Variants in LRGUK observed in about 807,000 individuals in gnomAD.
LRGUK encodes leucine-rich repeat and guanylate kinase domain-containing protein.
In LRGUK, 65 loss-of-function variants were observed where a neutral mutation model predicts 76.0. The observed-to-expected ratio is 0.85, with a 90% CI of 0.70 to 1.05. The LOEUF is 1.05. Ranked by LOEUF, LRGUK falls within the 50% of genes least tolerant of loss-of-function variation. LRGUK has a pLI of 0.00. For synonymous variants in LRGUK, 268 were observed against 265.6 expected (o/e 1.01, Z -0.09); for missense variants, 758 against 732.8 (o/e 1.03, Z -0.40).
At chr7:134,248,416 A>C (rs1221596005) in intron 17 of LRGUK, among the ~76,000 whole-genome samples, 1 of 152,224 alleles carries the variant, frequency 6.6e-6, no homozygotes, top group Non-Finnish European at 1.5e-5. Flanking sequence ...AGCAGGGTTT[A>C]TTCACGAAAA....
At chr7:134,145,930 C>T (rs975573144) in intron 4 of LRGUK, among the ~76,000 whole-genome samples, 1 of 152,136 alleles carries the variant, frequency 6.6e-6, no homozygotes, top group Non-Finnish European at 1.5e-5. Context: ...TTTCCAAGCT[C>T]TAGGTTCCAA....
chr7:134,238,584 G>T (rs184160855), intron 16 of LRGUK, among the ~76,000 whole-genome samples: 3 of 151,988 alleles, frequency 2.0e-5, no homozygotes, highest in African/African-American at 7.2e-5. Context: ...CCTGAGTTCT[G>T]CCACCTAGTT....
chr7:134,256,045 G>A (rs1455501293), intron 18 of LRGUK, among the ~76,000 whole-genome samples: 1 of 152,050 alleles, frequency 6.6e-6, no homozygotes, highest in Non-Finnish European at 1.5e-5. Flanking sequence ...CACATCACTT[G>A]GGTTATGGCG....
intron 18 of LRGUK, among the ~76,000 whole-genome samples, chr7:134,255,763 G>GT (rs145234565): frequency 0.12 from 17,751 of 151,834 alleles, 2,460 homozygotes; most frequent in African/African-American, 0.34. Flanking sequence ...ATTTATACCT[G>GT]TTTTATTTTC....
At chr7:134,154,131 T>A (rs1296452881) in intron 5 of LRGUK, among the ~76,000 whole-genome samples, 1 of 152,198 alleles carries the variant, frequency 6.6e-6, no homozygotes, top group Non-Finnish European at 1.5e-5. Flanking sequence ...ATTCACAGAA[T>A]CATAAAAGTT....
chr7:134,252,775 C>T (rs1440962569), intron 18 of LRGUK, among the ~76,000 whole-genome samples: 1 of 152,156 alleles, frequency 6.6e-6, no homozygotes, highest in East Asian at 1.9e-4. Context: ...GAGTGCTGCA[C>T]ATTAGCTGTG....
intron 15 of LRGUK, among the ~76,000 whole-genome samples, chr7:134,216,242 A>C (rs1049017690): frequency 3.3e-5 from 5 of 152,140 alleles, no homozygotes; most frequent in Non-Finnish European, 7.4e-5. Context: ...TGAAAGCAGC[A>C]AAAAAATGTT....
At chr7:134,263,790 T>C in intron 19 of LRGUK, 55 bp from the exon 20 acceptor site, 1 of 1,527,076 alleles carries the variant, frequency 6.5e-7, no homozygotes, top group Non-Finnish European at 8.9e-7. Flanking sequence ...ACACTTATTC[T>C]CTTTGTACCA....
the LRGUK span, among the ~76,000 whole-genome samples, chr7:134,271,531 C>A: frequency 0.012 from 1,811 of 151,958 alleles, 36 homozygotes; most frequent in African/African-American, 0.041. Context: ...TTACTCTCCC[C>A]TCCTAGTTTG....
At chr7:134,269,890 G>C in the LRGUK span, among the ~76,000 whole-genome samples, 2 of 152,148 alleles carry the variant, frequency 1.3e-5, no homozygotes, top group Non-Finnish European at 2.9e-5. Flanking sequence ...AAAAGCACTT[G>C]ACAGAGTCCA....
chr7:134,196,352 CCAGAATACAGA>C (rs1800488179), intron 12 of LRGUK, among the ~76,000 whole-genome samples: 1 of 151,468 alleles, frequency 6.6e-6, no homozygotes, highest in African/African-American at 2.4e-5. Flanking sequence ...AACTGAGCTT[CCAGAATACAGA>C]CAGAGGCATC....
intron 7 of LRGUK, among the ~76,000 whole-genome samples, chr7:134,167,609 C>A (rs1030810408): frequency 2.6e-5 from 4 of 152,130 alleles, no homozygotes; most frequent in South Asian, 2.1e-4. Flanking sequence ...AGGATAGAGA[C>A]CAGCACTCTT....
At chr7:134,262,047 A>G (rs1311179285) in intron 19 of LRGUK, among the ~76,000 whole-genome samples, 1 of 152,146 alleles carries the variant, frequency 6.6e-6, no homozygotes, top group Non-Finnish European at 1.5e-5. Flanking sequence ...ATACACAACC[A>G]TTTCTTTAAT....
At chr7:134,156,431 G>A (rs1212735525) in intron 5 of LRGUK, among the ~76,000 whole-genome samples, 1 of 152,022 alleles carries the variant, frequency 6.6e-6, no homozygotes, top group African/African-American at 2.4e-5. Flanking sequence ...AGTGTTATAT[G>A]TCAAAAAGAA....
intron 18 of LRGUK, among the ~76,000 whole-genome samples, chr7:134,255,626 A>G (rs1802559942): frequency 1.3e-5 from 2 of 152,164 alleles, no homozygotes; most frequent in Non-Finnish European, 2.9e-5. Context: ...AAAGCTCCCC[A>G]AGATATGCCA....
intron 6 of LRGUK, among the ~76,000 whole-genome samples, chr7:134,160,395 T>TGTCA (rs2116921273): frequency 6.6e-6 from 1 of 152,340 alleles, no homozygotes; most frequent in East Asian, 1.9e-4. Flanking sequence ...CAGAATATAC[T>TGTCA]GTCATTCATT....
chr7:134,187,632 C>T (rs935427190), intron 11 of LRGUK, among the ~76,000 whole-genome samples: 3 of 152,140 alleles, frequency 2.0e-5, no homozygotes, highest in African/African-American at 7.2e-5. Flanking sequence ...TCTTTCTTTA[C>T]CAGTATTAGT....
intron 3 of LRGUK, 30 bp from the exon 4 acceptor site, chr7:134,143,032 A>G: frequency 2.5e-6 from 3 of 1,181,968 alleles, no homozygotes; most frequent in Non-Finnish European, 3.8e-6. Flanking sequence ...TTATTGGCTT[A>G]CCTTATTCTG....
exon 12 of LRGUK, chr7:134,191,715 T>C (rs367659773): frequency 1.4e-4 from 228 of 1,612,954 alleles, no homozygotes; most frequent in Non-Finnish European, 1.8e-4. Context: ...ATTATCATTT[T>C]ATCTCTCAAG....
Sources: gnomAD v4.1 joint callset for allele counts (sites outside exome capture counted in the v4.1 genomes callset) on GRCh38, gnomAD v4.1.1 for gene constraint, MANE v1.5 for transcripts, NCBI Gene and HGNC (gene_info 2026-07-23, HGNC 2026-07-21) for gene names.